ATXN10: variants seen among roughly 807,000 people sequenced by gnomAD.
The protein encoded by ATXN10 is ataxin-10.
ATXN10 carries 28 observed loss-of-function variants against 52.9 expected under a neutral mutation model. That is an observed-to-expected ratio of 0.53 (90% confidence interval 0.39 to 0.73). ATXN10 has a LOEUF of 0.73. Among genes scored for constraint, ATXN10 ranks in the 30% least tolerant of loss-of-function variants. The pLI is 0.00. For synonymous variants in ATXN10, 226 were observed against 221.5 expected (o/e 1.02, Z -0.18); for missense variants, 565 against 577.0 (o/e 0.98, Z 0.21).
At chr22:45,709,189 A>G (rs143390172) in intron 5 of ATXN10, among the ~76,000 whole-genome samples, 269 of 152,304 alleles carry the variant, frequency 1.8e-3, no homozygotes, top group Admixed American at 2.8e-3. Flanking sequence ...GTTCGCGCAC[A>G]ACAGCCATGC....
At chr22:45,699,847 A>AT (rs1166697258) in intron 3 of ATXN10, among the ~76,000 whole-genome samples, 6,178 of 126,412 alleles carry the variant, frequency 0.049, 388 homozygotes, top group African/African-American at 0.15. Context: ...AGGCATATTA[A>AT]TTTTTTTTTT....
chr22:45,679,407 A>T (rs1375860311), intron 1 of ATXN10: 1 of 152,260 alleles, frequency 6.6e-6, no homozygotes, highest in Non-Finnish European at 1.5e-5. Context: ...ATGACTTGGT[A>T]TTGTTACTTG....
Position 45,819,192 on chromosome 22 carries a change from A to AAATAGAATAGAATAGAATAG in ATXN10, c.1237+12211_1237+12230dup, listed in dbSNP as rs56195245. 5.4e-3 allele frequency among the ~76,000 whole-genome samples: 790 copies of AAATAGAATAGAATAGAATAG among 147,604 alleles called. 12 individuals are homozygous for AAATAGAATAGAATAGAATAG. The highest frequency in any genetic ancestry group is 9.4e-3 in the South Asian group (42 of 4,480). On this transcript the variant is annotated intron_variant, in intron 10 of 11. Transcript: ENST00000252934. The surrounding 1 kb of genome is among the most constrained non-coding windows in gnomAD (Gnocchi z 4.5). ...TCTGTAGTATGAAGAATAGAATAGA[A>AAATAGAATAGAATAGAATAG]AATAGAATAGAATAGAATAGAATAG...
intron 9 of ATXN10, among the ~76,000 whole-genome samples, chr22:45,756,390 C>T (rs1443565925): frequency 6.6e-6 from 1 of 151,936 alleles, no homozygotes; most frequent in Non-Finnish European, 1.5e-5. Context: ...AGTGATCTTC[C>T]TGCCTTGCCT....
chr22:45,833,152 C>G lies in ATXN10; in HGVS notation c.1238-9839C>G, dbSNP rs546997880. ...AGCAGACAGCATGAAATGAGAACCT[C>G]TCTCCTGTGCTGACTTTGCAGCATC... On this transcript the variant is annotated intron_variant, in intron 10 of 11. Coordinates refer to ENST00000252934, the MANE Select transcript of ATXN10 (RefSeq NM_013236.4). The surrounding 1 kb of genome is among the most constrained non-coding windows in gnomAD (Gnocchi z 4.3). Among the ~76,000 whole-genome samples, 1 of 152,220 alleles carries G rather than the reference C, an allele frequency of 6.6e-6. No homozygotes were observed. The highest frequency in any genetic ancestry group is 1.5e-5 in the Non-Finnish European group (1 of 68,046).
intron 9 of ATXN10, among the ~76,000 whole-genome samples, chr22:45,748,239 T>C (rs186194745): frequency 5.3e-5 from 8 of 152,192 alleles, no homozygotes; most frequent in Admixed American, 5.2e-4. Context: ...TACTTCCGTG[T>C]CCCTCCTCTT....
chr22:45,765,393 G>A (rs1404548681), intron 9 of ATXN10, among the ~76,000 whole-genome samples: 1 of 152,096 alleles, frequency 6.6e-6, no homozygotes, highest in East Asian at 1.9e-4. Context: ...TTAGAAATTA[G>A]TTTAGAGGCA....
intron 8 of ATXN10, among the ~76,000 whole-genome samples, chr22:45,739,271 A>G (rs1407655638): frequency 6.6e-6 from 1 of 152,230 alleles, no homozygotes; most frequent in African/African-American, 2.4e-5. Context: ...ATATATACAA[A>G]TCTTATGAGA....
intron 3 of ATXN10, among the ~76,000 whole-genome samples, chr22:45,693,980 A>C (rs1923486761): frequency 6.6e-6 from 1 of 152,206 alleles, no homozygotes; most frequent in Non-Finnish European, 1.5e-5. Flanking sequence ...TGAATGTGAC[A>C]GGCCCTGGTC....
chr22:45,688,282 G>T lies in ATXN10; in HGVS notation c.117-1430G>T, dbSNP rs761997426. 6.6e-6 allele frequency among the ~76,000 whole-genome samples: 1 copy of T among 152,094 alleles called. No homozygotes were observed. The highest frequency in any genetic ancestry group is 6.5e-5 in the Admixed American group (1 of 15,270). ...GGGAGACATAGACAAATTATTTTAT[G>T]TGCAGTTTCCCAGTTTTTAATTAAT... On this transcript the variant is annotated intron_variant, in intron 1 of 11. Coordinates refer to ENST00000252934, the MANE Select transcript of ATXN10 (RefSeq NM_013236.4). The surrounding 1 kb of genome is among the most constrained non-coding windows in gnomAD (Gnocchi z 4.0).
intron 10 of ATXN10, among the ~76,000 whole-genome samples, chr22:45,838,959 A>T (rs1476661556): frequency 6.6e-6 from 1 of 152,244 alleles, no homozygotes; most frequent in Non-Finnish European, 1.5e-5. Context: ...CAAACCCCAA[A>T]ATGTTGGTGC....
At position 45,744,337 on chromosome 22, in the gene ATXN10, C is replaced by T. The variant is rs1288522573; in HGVS notation, c.1173+3799C>T. On this transcript the variant is annotated intron_variant, in intron 9 of 11. Coordinates refer to ENST00000252934, the MANE Select transcript of ATXN10 (RefSeq NM_013236.4). The surrounding 1 kb of genome is among the most constrained non-coding windows in gnomAD (Gnocchi z 4.9). ...TCTGTGTTGTCTGTGTAACTTCATC[C>T]ATTGCAGTGAGTATGGTGCCCACCT... is the stretch of plus-strand genomic sequence containing the variant. 2 of 152,236 alleles carry T rather than the reference C, an allele frequency of 1.3e-5. No individual in the cohort carries two copies. The highest frequency in any genetic ancestry group is 2.9e-5 in the Non-Finnish European group (2 of 68,054). The allele number at this position is 152,236 out of a possible 1,614,324, so 9.4% of individuals were successfully genotyped here.
At chr22:45,807,290 G>T (rs558340450) in intron 10 of ATXN10, among the ~76,000 whole-genome samples, 1 of 152,276 alleles carries the variant, frequency 6.6e-6, no homozygotes, top group East Asian at 1.9e-4. Flanking sequence ...TGGGGCACAG[G>T]CAGCCCATGC....
rs1039043175 is a variant in ATXN10 at position 45,727,341 on chromosome 22, A to ATCTG, written c.729-2081_729-2080insGTCT. 2.0e-5 allele frequency among the ~76,000 whole-genome samples: 3 copies of ATCTG among 151,332 alleles called. No homozygotes were observed. The highest frequency in any genetic ancestry group is 7.3e-5 in the African/African-American group (3 of 41,154). On this transcript the variant is annotated intron_variant, in intron 6 of 11. Transcript: ENST00000252934. This position sits in a 1 kb window ranked among gnomAD's most constrained non-coding sequence, Gnocchi z 4.6. Reference sequence around the variant, plus strand: ...TCTGTCTATCTATCTATATCTATCTATCTATCTATCTATCTATCTATCTAT... The same window carrying ATCTG: ...TCTGTCTATCTATCTATATCTATCTATCTGTCTATCTATCTATCTATCTATCTAT...
chr22:45,804,185 C>T (rs866663789), intron 9 of ATXN10, among the ~76,000 whole-genome samples: 2 of 152,302 alleles, frequency 1.3e-5, no homozygotes, highest in South Asian at 2.1e-4. Context: ...TGACAGTGGT[C>T]TCCAGACCTC....
chr22:45,738,958 AT>A, intron 8 of ATXN10, 119 bp downstream of exon 8: 8 of 963,832 alleles, frequency 8.3e-6, no homozygotes, highest in Non-Finnish European at 9.7e-6. Context: ...TTGTGAATAT[AT>A]TTTTTTGAGA....
At chr22:45,737,186 A>C (rs569871470) in intron 7 of ATXN10, among the ~76,000 whole-genome samples, 1 of 152,316 alleles carries the variant, frequency 6.6e-6, no homozygotes, top group South Asian at 2.1e-4. Context: ...CTGATGTTTA[A>C]TGTGCCACTG....
Position 45,757,745 on chromosome 22 carries a change from T to A in ATXN10, c.1173+17207T>A. Among the ~76,000 whole-genome samples, 1 of 152,336 alleles carries A rather than the reference T, an allele frequency of 6.6e-6. No homozygotes were observed. Among genetic ancestry groups the A allele is most frequent in the East Asian group, 1.9e-4 (1 of 5,186 alleles). The stretch of plus-strand genomic sequence containing the variant: ...GTTTTGAAATTATATTTATTAAAAA[T>A]GTGATTAGAGTTATATTCATTCATG... On this transcript the variant is annotated intron_variant, in intron 9 of 11. Transcript: ENST00000252934. The surrounding 1 kb of genome is among the most constrained non-coding windows in gnomAD (Gnocchi z 4.6).
rs1441453069 is a variant in ATXN10 at position 45,712,741 on chromosome 22, G to C, written c.648-5672G>C. Among the ~76,000 whole-genome samples, 3 of 152,188 alleles carry C rather than the reference G, an allele frequency of 2.0e-5. No homozygotes were observed. The highest frequency in any genetic ancestry group is 4.4e-5 in the Non-Finnish European group (3 of 68,040). ...TTCTAGTAGAGGAAGCATCGCCATT[G>C]AATCAGTGGACTGTTATTTTTCTAG... On this transcript the variant is annotated intron_variant, in intron 5 of 11. Transcript: ENST00000252934. The surrounding 1 kb of genome is among the most constrained non-coding windows in gnomAD (Gnocchi z 4.6).
Sources: allele counts gnomAD v4.1 joint callset (sites outside exome capture counted in the v4.1 genomes callset), GRCh38; gene constraint gnomAD v4.1.1; non-coding constraint Gnocchi (gnomAD v3.1); transcripts MANE v1.5; gene names NCBI Gene and HGNC (gene_info 2026-07-23, HGNC 2026-07-21).